Variants in ARHGEF18 observed in about 807,000 individuals in gnomAD.
The protein encoded by ARHGEF18 is Rho/Rac guanine nucleotide exchange factor 18.
A neutral mutation model predicts 155.7 loss-of-function variants in ARHGEF18; 93 were observed. The observed-to-expected ratio is 0.60, with a 90% CI of 0.50 to 0.71. ARHGEF18 has a LOEUF of 0.71. Ranked by LOEUF, ARHGEF18 falls within the 30% of genes least tolerant of loss-of-function variation. ARHGEF18 has a pLI of 0.00. For missense variants in ARHGEF18, 1,593 were observed against 1,816.1 expected, an observed-to-expected ratio of 0.88 and a Z score of 2.23; for synonymous variants, 742 against 753.1, an observed-to-expected ratio of 0.99 and a Z score of 0.24.
At chr19:7,451,562 C>T (rs1271235867) in intron 16 of ARHGEF18, among the ~76,000 whole-genome samples, 1 of 151,896 alleles carries the variant, frequency 6.6e-6, no homozygotes, top group Non-Finnish European at 1.5e-5. Flanking sequence ...AGGCATACGC[C>T]ACTACACACA....
Position 7,368,006 on chromosome 19 carries a change from G to GAA in ARHGEF18, c.16-4806_16-4805insAA, listed in dbSNP as rs1970013927. Among the ~76,000 whole-genome samples the GAA allele has an allele frequency of 9.3e-4, 91 of 97,368 alleles. 2 individuals are homozygous for GAA. The highest frequency in any genetic ancestry group is 3.5e-3 in the African/African-American group (88 of 25,192). 63.9% of individuals were successfully genotyped at this position (97,368 alleles called of 152,430 possible). A position where few individuals can be genotyped will look rare whatever the true frequency, so the allele number is the denominator to read the frequency against. ...GAGAGAGAGAGAGAGAGAGAGGGAG[G>GAA]GAGGGAGGGAGGGCGGAAGGAAGGA... is the stretch of plus-strand genomic sequence containing the variant. On this transcript the variant is annotated intron_variant, in intron 2 of 28. Transcript: ENST00000668164.
intron 14 of ARHGEF18, among the ~76,000 whole-genome samples, chr19:7,445,710 C>T (rs781143162): frequency 1.8e-4 from 27 of 152,226 alleles, no homozygotes; most frequent in Non-Finnish European, 3.5e-4. Flanking sequence ...ACCTGCACCT[C>T]CCAGGTTCAA....
At chr19:7,360,355 C>A (rs1198497064) in intron 1 of ARHGEF18, among the ~76,000 whole-genome samples, 3 of 152,006 alleles carry the variant, frequency 2.0e-5, no homozygotes. Context: ...CATGTGTCAG[C>A]CTCCCTAGTA....
At chr19:7,403,331 A>T (rs1288100539) in intron 10 of ARHGEF18, among the ~76,000 whole-genome samples, 1 of 152,080 alleles carries the variant, frequency 6.6e-6, no homozygotes, top group Non-Finnish European at 1.5e-5. Flanking sequence ...AGAAAAGCTC[A>T]CACCCATAGC....
intron 17 of ARHGEF18, among the ~76,000 whole-genome samples, chr19:7,455,305 C>T (rs1008549144): frequency 2.6e-5 from 4 of 152,180 alleles, no homozygotes; most frequent in African/African-American, 4.8e-5. Flanking sequence ...AGCCAAAAAA[C>T]GGAAAAACTA....
chr19:7,362,031 GA>G (rs1969592509), intron 1 of ARHGEF18, among the ~76,000 whole-genome samples: 1 of 48,054 alleles, frequency 2.1e-5, no homozygotes, highest in Non-Finnish European at 3.6e-5. Flanking sequence ...AGGAGAAGGA[GA>G]AGGAGAAGGA....
intron 3 of ARHGEF18, 96 bp downstream of exon 3, chr19:7,373,167 T>C: frequency 5.7e-6 from 7 of 1,225,606 alleles, no homozygotes; most frequent in Non-Finnish European, 7.1e-6. Context: ...AAGCCACCCC[T>C]TGCACCTGCC....
At chr19:7,374,716 C>T (rs1042520762) in intron 3 of ARHGEF18, among the ~76,000 whole-genome samples, 1 of 151,878 alleles carries the variant, frequency 6.6e-6, no homozygotes, top group African/African-American at 2.4e-5. Context: ...TGCATGCACA[C>T]ACTGCAAGCA....
chr19:7,406,908 A>C (rs567286020), intron 10 of ARHGEF18, among the ~76,000 whole-genome samples: 1 of 151,226 alleles, frequency 6.6e-6, no homozygotes, highest in South Asian at 2.1e-4. Context: ...AACAAAAAAA[A>C]ACAAAAATTA....
chr19:7,359,077 G>A (rs189435936), intron 1 of ARHGEF18, among the ~76,000 whole-genome samples: 1 of 152,282 alleles, frequency 6.6e-6, no homozygotes, highest in Non-Finnish European at 1.5e-5. Context: ...AGAGTGGTAG[G>A]AACAGCACAG....
At chr19:7,382,697 G>T in intron 8 of ARHGEF18, 95 bp from the exon 9 acceptor site, 5 of 833,376 alleles carry the variant, frequency 6.0e-6, no homozygotes, top group Non-Finnish European at 4.8e-6. Context: ...AGGCCACAGG[G>T]AGACAGGTTG....
chr19:7,410,411 TACACACACAC>T (rs1364107618), intron 10 of ARHGEF18, among the ~76,000 whole-genome samples: 1 of 151,888 alleles, frequency 6.6e-6, no homozygotes, highest in East Asian at 1.9e-4. Flanking sequence ...CACACATACA[TACACACACAC>T]ATATGTATAT....
chr19:7,363,912 AAGG>A (rs1969751776), intron 2 of ARHGEF18, among the ~76,000 whole-genome samples: 1 of 151,372 alleles, frequency 6.6e-6, no homozygotes, highest in Non-Finnish European at 1.5e-5. Context: ...TGATGGAAGG[AAGG>A]AGGATGGATA....
intron 2 of ARHGEF18, among the ~76,000 whole-genome samples, chr19:7,371,239 C>A (rs1970192829): frequency 6.6e-6 from 1 of 152,020 alleles, no homozygotes; most frequent in Non-Finnish European, 1.5e-5. Context: ...AAGGTGGGTG[C>A]CAGGGGCTGG....
rs576935298 is a variant in ARHGEF18 at position 7,376,180 on chromosome 19, T to A, written c.426+310T>A. On this transcript the variant is annotated intron_variant, in intron 4 of 28. Transcript: ENST00000668164. Reference sequence around the variant, plus strand: ...TGCAGTTTCAGCCAGGCTTGGAGGATCTTTGCCTGGAGTGTAGCCCTGCAG... The same window carrying A: ...TGCAGTTTCAGCCAGGCTTGGAGGAACTTTGCCTGGAGTGTAGCCCTGCAG... Among the ~76,000 whole-genome samples, 3 of 152,194 alleles carry A rather than the reference T, an allele frequency of 2.0e-5. No individual in the cohort carries two copies. In the East Asian group the frequency reaches 5.8e-4, roughly 29 times the overall value.
At chr19:7,443,381 G>A (rs1600462469) in intron 13 of ARHGEF18, among the ~76,000 whole-genome samples, 2 of 151,784 alleles carry the variant, frequency 1.3e-5, no homozygotes, top group East Asian at 3.9e-4. Context: ...TTTATTTTTT[G>A]GTAGAGACAG....
In ARHGEF18 at chr19:7,372,961, C is replaced by T. The variant is rs1008369985; in HGVS notation, c.165C>T (p.Thr55=). Residue 55 remains threonine, a synonymous_variant, in exon 3 of 29, where the codon ACC becomes ACT. Transcript: ENST00000668164. ...QPGETPDSRP[T]GEEPGRDSLF... ...GGGAGACCCCAGACAGCCGCCCCACCGGTGAAGAACCAGGAAGAGATTCTC... is the reference window on the plus strand; with the variant it reads ...GGGAGACCCCAGACAGCCGCCCCACTGGTGAAGAACCAGGAAGAGATTCTC... 1.1e-5 allele frequency: 14 copies of T among 1,234,478 alleles called. No homozygotes were observed. Among genetic ancestry groups the T allele is most frequent in the South Asian group, 4.1e-5 (1 of 24,416 alleles). The allele number at this position is 1,234,478 out of a possible 1,614,324, so 76.5% of individuals were successfully genotyped here. A position where few individuals can be genotyped will look rare whatever the true frequency, so the allele number is the denominator to read the frequency against.
At chr19:7,423,822 G>C (rs1035359957) in intron 10 of ARHGEF18, among the ~76,000 whole-genome samples, 6 of 151,564 alleles carry the variant, frequency 4.0e-5, no homozygotes, top group Admixed American at 6.6e-5. Flanking sequence ...TAATTCTACA[G>C]CCCGCATCCC....
chr19:7,419,021 C>T (rs923483382), intron 10 of ARHGEF18, among the ~76,000 whole-genome samples: 1 of 146,908 alleles, frequency 6.8e-6, no homozygotes, highest in Non-Finnish European at 1.5e-5. Flanking sequence ...CACTCGGCCT[C>T]TGTACCCCAG....
Sources: allele counts gnomAD v4.1 joint callset (sites outside exome capture counted in the v4.1 genomes callset), GRCh38; gene constraint gnomAD v4.1.1; transcripts MANE v1.5; gene names NCBI Gene and HGNC (gene_info 2026-07-23, HGNC 2026-07-21).